The following DSCAM variants were observed in gnomAD, a reference collection of about 807,000 sequenced individuals.
The protein encoded by DSCAM is DS cell adhesion molecule, also known as cell adhesion molecule DSCAM.
DSCAM carries 47 observed loss-of-function variants against 217.7 expected under a neutral mutation model. That is an observed-to-expected ratio of 0.22 (90% confidence interval 0.17 to 0.28). DSCAM has a LOEUF of 0.28. Ranked by LOEUF, DSCAM falls within the 10% of genes least tolerant of loss-of-function variation. DSCAM has a pLI of 1.00. For missense variants in DSCAM, 2,080 were observed against 2,618.3 expected, an observed-to-expected ratio of 0.79 and a Z score of 4.49; for synonymous variants, 1,056 against 1,015.3, an observed-to-expected ratio of 1.04 and a Z score of -0.76.
At chr21:40,250,360 G>C (rs1030726487) in intron 11 of DSCAM, among the ~76,000 whole-genome samples, 12 of 152,156 alleles carry the variant, frequency 7.9e-5, no homozygotes, top group Non-Finnish European at 1.3e-4. Context: ...CTTCCTTTAA[G>C]GTTGTATCAA....
intron 3 of DSCAM, among the ~76,000 whole-genome samples, chr21:40,651,954 C>G (rs2090019242): frequency 1.3e-5 from 2 of 152,146 alleles, no homozygotes; most frequent in African/African-American, 4.8e-5. Context: ...GAGGTCAGCC[C>G]CCCCACCTTT....
At chr21:40,214,854 C>T (rs117573413) in intron 11 of DSCAM, among the ~76,000 whole-genome samples, 3,268 of 151,414 alleles carry the variant, frequency 0.022, 49 homozygotes, top group South Asian at 0.024. Flanking sequence ...ATGCATCAAA[C>T]TCCAGAGTTC....
At chr21:40,124,154 T>C (rs1408139184) in intron 20 of DSCAM, 41 bp downstream of exon 20, 1 of 1,612,598 alleles carries the variant, frequency 6.2e-7, no homozygotes, top group Non-Finnish European at 8.5e-7. Context: ...AGCTCGTCCC[T>C]GGCAGACGCT....
intron 3 of DSCAM, among the ~76,000 whole-genome samples, chr21:40,612,584 C>T (rs1015987110): frequency 2.6e-5 from 4 of 152,168 alleles, no homozygotes; most frequent in African/African-American, 9.7e-5. Flanking sequence ...CTGGAGCAGA[C>T]GGGAGTTGCT....
intron 20 of DSCAM, among the ~76,000 whole-genome samples, chr21:40,103,914 T>C (rs2089785475): frequency 6.6e-6 from 1 of 151,852 alleles, no homozygotes; most frequent in Non-Finnish European, 1.5e-5. Flanking sequence ...CTTTCAAATA[T>C]AAAATATTTT....
At chr21:40,072,503 C>A (rs571147283) in intron 27 of DSCAM, among the ~76,000 whole-genome samples, 4 of 152,096 alleles carry the variant, frequency 2.6e-5, no homozygotes, top group Admixed American at 2.0e-4. Context: ...CCCGCCACCA[C>A]CCCCGGCTAA....
intron 3 of DSCAM, among the ~76,000 whole-genome samples, chr21:40,413,232 C>A (rs2075339678): frequency 6.6e-6 from 1 of 152,160 alleles, no homozygotes; most frequent in African/African-American, 2.4e-5. Context: ...TGGGGCACCA[C>A]CTAGTAGAGC....
intron 8 of DSCAM, among the ~76,000 whole-genome samples, chr21:40,332,151 T>C (rs1361682861): frequency 1.3e-5 from 2 of 152,242 alleles, no homozygotes. Context: ...CTATCTCTCT[T>C]AAATTAGTCC....
At position 40,646,487 on chromosome 21, in the gene DSCAM, G is replaced by C. The variant is rs141441874; in HGVS notation, c.508+46323C>G. On this transcript the variant is annotated intron_variant, in intron 3 of 32. Coordinates refer to ENST00000400454, the MANE Select transcript of DSCAM (RefSeq NM_001389.5). ...TTTCTTGTTAGCAAAGAGAACTCAC[G>C]TGGCATTGACTGATCTGGAGTCCAT... Among the ~76,000 whole-genome samples, 274 of 151,816 alleles carry C rather than the reference G, an allele frequency of 1.8e-3. 1 individual carries two copies. The highest frequency in any genetic ancestry group is 0.017 in the South Asian group (84 of 4,804).
chr21:40,737,846 T>G (rs570800228), intron 1 of DSCAM, among the ~76,000 whole-genome samples: 1 of 152,280 alleles, frequency 6.6e-6, no homozygotes, highest in South Asian at 2.1e-4. Context: ...GCTCCCAGTC[T>G]TCCAGCCCAT....
At chr21:40,795,446 C>T (rs910875761) in intron 1 of DSCAM, among the ~76,000 whole-genome samples, 1 of 152,170 alleles carries the variant, frequency 6.6e-6, no homozygotes, top group South Asian at 2.1e-4. Flanking sequence ...TCAAGCTCCC[C>T]AGACTCCTAT....
At chr21:40,743,547 C>T (rs1013866030) in intron 1 of DSCAM, among the ~76,000 whole-genome samples, 5 of 152,096 alleles carry the variant, frequency 3.3e-5, no homozygotes, top group Non-Finnish European at 5.9e-5. Context: ...TGTCGAATTT[C>T]ACACCCCAAA....
At chr21:40,209,236 G>T (rs942696024) in intron 11 of DSCAM, among the ~76,000 whole-genome samples, 1 of 152,146 alleles carries the variant, frequency 6.6e-6, no homozygotes, top group Non-Finnish European at 1.5e-5. Context: ...AGGAAGCAGT[G>T]GGGGAGGATG....
At chr21:40,378,916 C>G (rs1470912725) in intron 3 of DSCAM, among the ~76,000 whole-genome samples, 1 of 151,196 alleles carries the variant, frequency 6.6e-6, no homozygotes, top group Non-Finnish European at 1.5e-5. Flanking sequence ...TATACATAAA[C>G]CTGAATGCCA....
At chr21:40,617,578 C>T (rs760864327) in intron 3 of DSCAM, among the ~76,000 whole-genome samples, 1 of 152,220 alleles carries the variant, frequency 6.6e-6, no homozygotes, top group Non-Finnish European at 1.5e-5. Context: ...TCAAGCTTGG[C>T]GCTGTAGACA....
At chr21:40,557,999 G>A (rs540220107) in intron 3 of DSCAM, among the ~76,000 whole-genome samples, 2 of 152,058 alleles carry the variant, frequency 1.3e-5, no homozygotes, top group Non-Finnish European at 2.9e-5. Context: ...TATATTTGGC[G>A]TTGGGCATGT....
Position 40,011,082 on chromosome 21 carries a change from T to C in DSCAM, c.*1952A>G, listed in dbSNP as rs2088049639. On this transcript the variant is annotated 3_prime_UTR_variant, in exon 33 of 33. Coordinates refer to ENST00000400454, the MANE Select transcript of DSCAM (RefSeq NM_001389.5). Reference sequence around the variant, plus strand: ...TTCTATGTTTGGGGGATATAGAAGTTTTAGGTTGATGAAAGATAGACTTTT... The same window carrying C: ...TTCTATGTTTGGGGGATATAGAAGTCTTAGGTTGATGAAAGATAGACTTTT... 1 of 152,096 alleles carries C rather than the reference T, an allele frequency of 6.6e-6. No homozygotes were observed. Among genetic ancestry groups the C allele is most frequent in the South Asian group, 2.1e-4 (1 of 4,824 alleles). The allele number at this position is 152,096 out of a possible 1,614,324, so 9.4% of individuals were successfully genotyped here. A position where few individuals can be genotyped will look rare whatever the true frequency, so the allele number is the denominator to read the frequency against.
chr21:40,778,021 C>A (rs1459880733), intron 1 of DSCAM, among the ~76,000 whole-genome samples: 1 of 152,072 alleles, frequency 6.6e-6, no homozygotes, highest in East Asian at 1.9e-4. Context: ...AATATATAGT[C>A]AGTACAGAAT....
At chr21:40,347,326 G>T in intron 6 of DSCAM, among the ~76,000 whole-genome samples, 1 of 148,826 alleles carries the variant, frequency 6.7e-6, no homozygotes, top group Middle Eastern at 3.5e-3. Flanking sequence ...AATTCCCCAA[G>T]CAAGGCATTC....
Sources: gnomAD v4.1 joint callset for allele counts (sites outside exome capture counted in the v4.1 genomes callset) on GRCh38, gnomAD v4.1.1 for gene constraint, MANE v1.5 for transcripts, NCBI Gene and HGNC (gene_info 2026-07-23, HGNC 2026-07-21) for gene names.